The following NBAS variants were observed in gnomAD, a reference collection of about 807,000 sequenced individuals.
NBAS encodes NAG/BC035112 fusion.
A neutral mutation model predicts 302.5 loss-of-function variants in NBAS; 219 were observed. The observed-to-expected ratio is 0.72, with a 90% CI of 0.65 to 0.81. The LOEUF is 0.81. Ranked by LOEUF, NBAS falls within the 30% of genes least tolerant of loss-of-function variation. NBAS has a pLI of 0.00. For missense variants in NBAS, 2,932 were observed against 2,841.6 expected, an observed-to-expected ratio of 1.03 and a Z score of -0.72; for synonymous variants, 1,118 against 1,021.6, an observed-to-expected ratio of 1.09 and a Z score of -1.80.
At chr2:15,178,847 C>G in intron 51 of NBAS, 141 bp downstream of exon 51, 1 of 1,203,184 alleles carries the variant, frequency 8.3e-7, no homozygotes, top group South Asian at 1.4e-5. Flanking sequence ...AAAACAGGAA[C>G]AGCTATTGTG....
the NBAS span, among the ~76,000 whole-genome samples, chr2:15,123,617 TCTGA>T: frequency 6.6e-6 from 1 of 151,984 alleles, no homozygotes; most frequent in South Asian, 2.1e-4. Flanking sequence ...TCACAGGAGA[TCTGA>T]CTGTTTTAAA....
chr2:14,807,934 C>T, the NBAS span, among the ~76,000 whole-genome samples: 14,910 of 152,192 alleles, frequency 0.098, 1,205 homozygotes, highest in African/African-American at 0.22. Context: ...CTCTCACACA[C>T]ACACATGCAC....
At chr2:15,256,411 T>C (rs1036921875) in intron 44 of NBAS, among the ~76,000 whole-genome samples, 4 of 152,210 alleles carry the variant, frequency 2.6e-5, no homozygotes, top group Admixed American at 6.5e-5. Context: ...ACTGAGACTT[T>C]ACTGAATTCA....
Position 15,476,569 on chromosome 2 carries a change from A to C in NBAS, c.1148-689T>G, listed in dbSNP as rs1274376136. ...AACCCCATCTCTATTAAAAATACAA[A>C]AATTAGCCAGGCATGGTGGTGCGTG... On this transcript the variant is annotated intron_variant, in intron 13 of 51. Coordinates refer to ENST00000281513, the MANE Select transcript of NBAS (RefSeq NM_015909.4). 3.9e-5 allele frequency among the ~76,000 whole-genome samples: 6 copies of C among 152,028 alleles called. No homozygotes were observed. In the South Asian group the frequency reaches 1.2e-3, roughly 32 times the overall value.
At chr2:15,433,198 C>T (rs1677844444) in intron 21 of NBAS, among the ~76,000 whole-genome samples, 1 of 152,128 alleles carries the variant, frequency 6.6e-6, no homozygotes, top group Admixed American at 6.5e-5. Context: ...AGAAGTCTAA[C>T]CTCTGGGTTA....
chr2:15,539,385 C>T (rs2148689543), intron 6 of NBAS, 29 bp from the exon 7 acceptor site: 9 of 1,613,788 alleles, frequency 5.6e-6, no homozygotes, highest in Non-Finnish European at 7.6e-6. Context: ...AGAGGTGCTT[C>T]TAACAATATA....
the NBAS span, among the ~76,000 whole-genome samples, chr2:14,866,104 A>C: frequency 6.6e-6 from 1 of 152,158 alleles, no homozygotes; most frequent in Admixed American, 6.5e-5. Flanking sequence ...GACATCTATT[A>C]GTTCACATCA....
Position 15,458,333 on chromosome 2 carries a change from G to A in NBAS, c.2339+2868C>T, listed in dbSNP as rs1377846312. Among the ~76,000 whole-genome samples the A allele has an allele frequency of 2.6e-5, 4 of 152,150 alleles. No individual in the cohort carries two copies. In the East Asian group the frequency reaches 7.7e-4, roughly 29 times the overall value. On this transcript the variant is annotated intron_variant, in intron 21 of 51. Transcript: ENST00000281513. ...GCAGTAACTATGACATGGTTTAGATGTTTTTTCCCACCAAATCTCACACTC... is the reference window on the plus strand; with the variant it reads ...GCAGTAACTATGACATGGTTTAGATATTTTTTCCCACCAAATCTCACACTC...
chr2:14,821,811 G>C, the NBAS span, among the ~76,000 whole-genome samples: 3 of 151,772 alleles, frequency 2.0e-5, no homozygotes, highest in African/African-American at 7.3e-5. Context: ...AGGAGTTCAA[G>C]ACCAGCCTGG....
the NBAS span, among the ~76,000 whole-genome samples, chr2:14,863,169 A>G: frequency 6.6e-6 from 1 of 152,158 alleles, no homozygotes; most frequent in Admixed American, 6.5e-5. Context: ...ATAATCTCAA[A>G]TGGGATTAAA....
rs1174168056 is a variant in NBAS, at chr2:15,234,672, C to T, written c.6019G>A (p.Ala2007Thr). ...EKEKLHDEAV[A>T]ICLDGQPLAM... The stretch of plus-strand genomic sequence containing the variant: ...AGAGGCTGACCATCTAAACAAATAG[C>T]CACAGCTTCATCATGAAGTTTCTCT... Residue 2007 changes from alanine to threonine, a missense_variant, in exon 46 of 52, where the codon GCT becomes ACT. Ala to Thr is a moderately conservative substitution (Grantham distance 58). Transcript: ENST00000281513. The T allele has an allele frequency of 6.2e-7, 1 of 1,614,138 alleles. No homozygotes were observed. Among genetic ancestry groups the T allele is most frequent in the Admixed American group, 1.7e-5 (1 of 60,016 alleles).
chr2:15,241,078 C>T (rs1667847845), intron 44 of NBAS, among the ~76,000 whole-genome samples: 1 of 152,178 alleles, frequency 6.6e-6, no homozygotes, highest in South Asian at 2.1e-4. Flanking sequence ...CATTACACAG[C>T]TTCCACTCAA....
At chr2:15,549,177 A>G (rs1664257563) in intron 6 of NBAS, among the ~76,000 whole-genome samples, 1 of 152,188 alleles carries the variant, frequency 6.6e-6, no homozygotes, top group African/African-American at 2.4e-5. Context: ...CATTTTACAG[A>G]TAATGAAACT....
At chr2:15,489,491 A>G (rs1680767661) in intron 11 of NBAS, among the ~76,000 whole-genome samples, 1 of 152,194 alleles carries the variant, frequency 6.6e-6, no homozygotes, top group Non-Finnish European at 1.5e-5. Flanking sequence ...AAAGGAGTAG[A>G]AAAGAGCTAG....
At chr2:15,254,526 C>T (rs1668499058) in intron 44 of NBAS, among the ~76,000 whole-genome samples, 2 of 152,104 alleles carry the variant, frequency 1.3e-5, no homozygotes, top group South Asian at 2.1e-4. Flanking sequence ...CAGTGCTTTG[C>T]TTTCTTTTTT....
At chr2:15,440,863 A>C (rs541539820) in intron 21 of NBAS, among the ~76,000 whole-genome samples, 1 of 149,982 alleles carries the variant, frequency 6.7e-6, no homozygotes, top group East Asian at 2.1e-4. Flanking sequence ...AAGAATGCAG[A>C]AGCCTCAGGA....
chr2:15,175,546 C>T (rs1369966364), intron 51 of NBAS, among the ~76,000 whole-genome samples: 2 of 152,138 alleles, frequency 1.3e-5, no homozygotes, highest in South Asian at 4.1e-4. Flanking sequence ...GCAGCATTGC[C>T]CATCTTAGAG....
At chr2:14,942,794 A>G in the NBAS span, among the ~76,000 whole-genome samples, 778 of 152,276 alleles carry the variant, frequency 5.1e-3, 11 homozygotes, top group African/African-American at 0.018. Flanking sequence ...TAGAGGCTCA[A>G]CTCATCACAG....
the NBAS span, among the ~76,000 whole-genome samples, chr2:14,977,918 G>A: frequency 9.2e-5 from 14 of 152,134 alleles, no homozygotes; most frequent in East Asian, 1.5e-3. Flanking sequence ...CCATCAAGTT[G>A]CATAGTTTGA....
Sources: allele counts gnomAD v4.1 joint callset (sites outside exome capture counted in the v4.1 genomes callset), GRCh38; gene constraint gnomAD v4.1.1; transcripts MANE v1.5; gene names NCBI Gene and HGNC (gene_info 2026-07-23, HGNC 2026-07-21).